The following PDE4D variants were observed in gnomAD, a reference collection of about 807,000 sequenced individuals.
PDE4D encodes phosphodiesterase 4D.
In PDE4D, 24 loss-of-function variants were observed where a neutral mutation model predicts 87.4. The observed-to-expected ratio is 0.27, with a 90% CI of 0.20 to 0.39. The LOEUF is 0.39. Among genes scored for constraint, PDE4D ranks in the 10% least tolerant of loss-of-function variants. The pLI is 1.00. For synonymous variants in PDE4D, 384 were observed against 383.2 expected (o/e 1.00, Z -0.02); for missense variants, 714 against 1,041.0 (o/e 0.69, Z 4.32).
chr5:59,655,975 C>T (rs1476020328), intron 1 of PDE4D, among the ~76,000 whole-genome samples: 1 of 152,164 alleles, frequency 6.6e-6, no homozygotes, highest in African/African-American at 2.4e-5. Context: ...TGTCCAGTCT[C>T]TACTGTCACC....
At chr5:60,383,683 T>C (rs971408745) in intron 1 of PDE4D, among the ~76,000 whole-genome samples, 3 of 152,242 alleles carry the variant, frequency 2.0e-5, no homozygotes, top group African/African-American at 7.2e-5. Context: ...AGTTCAATCA[T>C]TATCACTTTA....
intron 5 of PDE4D, among the ~76,000 whole-genome samples, chr5:59,077,711 C>T (rs146291970): frequency 3.9e-5 from 6 of 152,224 alleles, no homozygotes; most frequent in Admixed American, 3.9e-4. Context: ...GACTACCATG[C>T]ATATCAGTCA....
intron 5 of PDE4D, among the ~76,000 whole-genome samples, chr5:59,093,722 C>T (rs1279704936): frequency 6.6e-6 from 1 of 152,102 alleles, no homozygotes; most frequent in Non-Finnish European, 1.5e-5. Context: ...TGCATATGCA[C>T]CTGTATATGT....
intron 2 of PDE4D, chr5:60,127,825 C>G: frequency 4.6e-6 from 2 of 437,938 alleles, no homozygotes; most frequent in Admixed American, 8.0e-5. Flanking sequence ...TACAAATTGG[C>G]GAGTCCTTAG....
At chr5:60,044,934 C>T (rs1473019591) in intron 2 of PDE4D, among the ~76,000 whole-genome samples, 5 of 152,146 alleles carry the variant, frequency 3.3e-5, no homozygotes, top group Non-Finnish European at 5.9e-5. Context: ...CCTGAGGAAT[C>T]GCCACACTGA....
At position 59,922,653 on chromosome 5, in the gene PDE4D, C is replaced by T. The variant is rs6881406; in HGVS notation, c.272+65835G>A. 4.8e-3 allele frequency among the ~76,000 whole-genome samples: 735 copies of T among 152,192 alleles called. 6 individuals are homozygous for T. The highest frequency in any genetic ancestry group is 0.017 in the African/African-American group (703 of 41,546). On this transcript the variant is annotated intron_variant, in intron 3 of 16. Coordinates refer to the PDE4D transcript ENST00000502484. ...GGAAGGAAGCAGTCCTGGCAGCATT[C>T]ATCATCTGCTGACTAAAGAGCCCTT...
chr5:59,610,020 G>A (rs942743098), intron 1 of PDE4D, among the ~76,000 whole-genome samples: 1 of 152,168 alleles, frequency 6.6e-6, no homozygotes, highest in Non-Finnish European at 1.5e-5. Context: ...TTTCTACTCT[G>A]CAGGTGAATA....
At chr5:60,293,290 C>T (rs1753069918) in intron 1 of PDE4D, among the ~76,000 whole-genome samples, 1 of 151,782 alleles carries the variant, frequency 6.6e-6, no homozygotes, top group Non-Finnish European at 1.5e-5. Flanking sequence ...TTTTGGGAGG[C>T]GATCACAAGG....
chr5:60,087,602 A>T (rs1002922796), intron 2 of PDE4D, among the ~76,000 whole-genome samples: 5 of 152,198 alleles, frequency 3.3e-5, no homozygotes, highest in African/African-American at 1.2e-4. Context: ...ATAATAACTG[A>T]ACTGAAAAAC....
intron 2 of PDE4D, among the ~76,000 whole-genome samples, chr5:60,158,632 G>A (rs2962977): frequency 0.65 from 99,300 of 152,126 alleles, 33,108 homozygotes; most frequent in Middle Eastern, 0.7. Context: ...GCGCAATCTC[G>A]GCTCACTGCA....
chr5:60,509,024 C>T (rs531099607), intron 1 of PDE4D, among the ~76,000 whole-genome samples: 40 of 152,142 alleles, frequency 2.6e-4, no homozygotes, highest in South Asian at 4.2e-4. Flanking sequence ...CTCAGCCTCC[C>T]GAGTAGCTAG....
chr5:59,647,982 A>G (rs891066800), intron 1 of PDE4D, among the ~76,000 whole-genome samples: 1 of 152,138 alleles, frequency 6.6e-6, no homozygotes, highest in African/African-American at 2.4e-5. Flanking sequence ...GGTACATGTA[A>G]CTCTAAAATT....
intron 1 of PDE4D, among the ~76,000 whole-genome samples, chr5:59,542,344 A>C (rs1816500926): frequency 6.6e-6 from 1 of 152,184 alleles, no homozygotes; most frequent in Admixed American, 6.5e-5. Flanking sequence ...CACACTGTAC[A>C]GAGAGTACAG....
chr5:59,438,612 A>G (rs1797130213), intron 1 of PDE4D, among the ~76,000 whole-genome samples: 1 of 152,198 alleles, frequency 6.6e-6, no homozygotes, highest in Non-Finnish European at 1.5e-5. Flanking sequence ...TTACTTTTGC[A>G]ATATTATTGC....
intron 1 of PDE4D, among the ~76,000 whole-genome samples, chr5:59,228,995 C>A (rs575444942): frequency 1.1e-3 from 168 of 151,878 alleles, no homozygotes; most frequent in African/African-American, 3.9e-3. Flanking sequence ...AACCTCCTAA[C>A]CTTTTTTTTT....
intron 1 of PDE4D, among the ~76,000 whole-genome samples, chr5:59,713,644 C>T (rs35707124): frequency 0.031 from 4,767 of 152,212 alleles, 109 homozygotes; most frequent in Middle Eastern, 0.048. Flanking sequence ...TCTGGGTTGG[C>T]AATGTGGCCA....
At chr5:59,118,221 T>G (rs10044159) in intron 5 of PDE4D, among the ~76,000 whole-genome samples, 26,642 of 152,138 alleles carry the variant, frequency 0.18, 2,736 homozygotes, top group African/African-American at 0.27. Flanking sequence ...ATGTCTTACC[T>G]TGGTAACTTT....
chr5:59,574,106 ATATATATATATAAATATATATT>A lies in PDE4D; in HGVS notation c.455+319040_455+319061del, dbSNP rs1241073266. On this transcript the variant is annotated intron_variant, in intron 1 of 14. Transcript: ENST00000340635. ...TATTTATATATATAAATATATATTTATATATATATATAAATATATATTTATATATATATATATAAATATATAT... is the reference window on the plus strand; with the variant it reads ...TATTTATATATATAAATATATATTTATATATATATATATATAAATATATAT... 3.0e-3 allele frequency among the ~76,000 whole-genome samples: 109 copies of A among 35,890 alleles called. 4 individuals carry two copies. Among genetic ancestry groups the A allele is most frequent in the African/African-American group, 0.016 (105 of 6,626 alleles). The allele number at this position is 35,890 out of a possible 152,430, so 23.5% of individuals were successfully genotyped here. A position where few individuals can be genotyped will look rare whatever the true frequency, so the allele number is the denominator to read the frequency against.
chr5:59,720,287 G>A (rs1467673128), intron 1 of PDE4D, among the ~76,000 whole-genome samples: 1 of 152,096 alleles, frequency 6.6e-6, no homozygotes, highest in Admixed American at 6.6e-5. Flanking sequence ...TCAGTCTCCT[G>A]AGTAGCCAGG....
Sources: allele counts gnomAD v4.1 joint callset (sites outside exome capture counted in the v4.1 genomes callset), GRCh38; gene constraint gnomAD v4.1.1; transcripts MANE v1.5; gene names NCBI Gene and HGNC (gene_info 2026-07-23, HGNC 2026-07-21).